The following CSMD1 variants were observed in gnomAD, a reference collection of about 807,000 sequenced individuals.
The protein encoded by CSMD1 is CUB and sushi domain-containing protein 1.
In CSMD1, 213 loss-of-function variants were observed where a neutral mutation model predicts 417.5. The ratio of observed to expected loss-of-function variants is 0.51; its 90% CI spans 0.46 to 0.57. The LOEUF is 0.57. Among genes scored for constraint, CSMD1 ranks in the 20% least tolerant of loss-of-function variants. The pLI is 0.00. For missense variants in CSMD1, 6,923 were observed against 4,529.7 expected, an observed-to-expected ratio of 1.53 and a Z score of -15.17; for synonymous variants, 2,862 against 1,736.8, an observed-to-expected ratio of 1.65 and a Z score of -16.11.
chr8:4,582,771 T>C (rs1310022509), intron 2 of CSMD1, among the ~76,000 whole-genome samples: 1 of 152,188 alleles, frequency 6.6e-6, no homozygotes, highest in Non-Finnish European at 1.5e-5. Context: ...GTGGGAGCCC[T>C]TTTCTGAGTT....
At chr8:4,429,224 G>C (rs778742722) in intron 2 of CSMD1, among the ~76,000 whole-genome samples, 2 of 151,622 alleles carry the variant, frequency 1.3e-5, no homozygotes, top group Admixed American at 6.6e-5. Context: ...ACGAATATCT[G>C]GTTATGTTTT....
At chr8:4,154,532 C>T (rs1387857687) in intron 3 of CSMD1, among the ~76,000 whole-genome samples, 1 of 152,108 alleles carries the variant, frequency 6.6e-6, no homozygotes, top group Non-Finnish European at 1.5e-5. Context: ...GGAGAAAGAG[C>T]AGAAGCCAGG....
At chr8:4,716,936 A>G (rs904137409) in intron 1 of CSMD1, among the ~76,000 whole-genome samples, 1 of 152,194 alleles carries the variant, frequency 6.6e-6, no homozygotes, top group African/African-American at 2.4e-5. Flanking sequence ...GAGATCCAAT[A>G]GGTTAAAAAA....
In CSMD1 at chr8:4,142,883, T is replaced by C. The variant is rs951610426; in HGVS notation, c.416-110784A>G. Among the ~76,000 whole-genome samples the C allele has an allele frequency of 2.4e-4, 37 of 151,148 alleles. 2 individuals carry two copies. The highest frequency in any genetic ancestry group is 8.9e-4 in the African/African-American group (36 of 40,460). On this transcript the variant is annotated intron_variant, in intron 3 of 69. Transcript: ENST00000635120. ...TATCATCATTTGATAATATGATTAGTAGCTGACAACACAATAGGAGAAATT... is the reference window on the plus strand; with the variant it reads ...TATCATCATTTGATAATATGATTAGCAGCTGACAACACAATAGGAGAAATT...
At chr8:3,178,318 G>A (rs1011578142) in intron 37 of CSMD1, among the ~76,000 whole-genome samples, 1 of 152,006 alleles carries the variant, frequency 6.6e-6, no homozygotes, top group Non-Finnish European at 1.5e-5. Flanking sequence ...TGAGATAGAA[G>A]TAGATGTAGA....
intron 3 of CSMD1, among the ~76,000 whole-genome samples, chr8:4,323,836 T>C (rs1799406326): frequency 6.6e-6 from 1 of 152,138 alleles, no homozygotes; most frequent in African/African-American, 2.4e-5. Context: ...CTCCTCCAGG[T>C]GCCTTGTACT....
At chr8:3,025,379 T>C (rs148183736) in intron 51 of CSMD1, among the ~76,000 whole-genome samples, 12,323 of 148,826 alleles carry the variant, frequency 0.083, 516 homozygotes, top group African/African-American at 0.13. Context: ...ATTCTGAAAC[T>C]GTGTATTGTG....
chr8:4,332,338 A>G (rs532239930), intron 3 of CSMD1, among the ~76,000 whole-genome samples: 74 of 152,178 alleles, frequency 4.9e-4, no homozygotes, highest in African/African-American at 1.8e-3. Flanking sequence ...GATCACCAAA[A>G]CGCTGAAAAA....
chr8:3,332,475 G>C (rs1806968576), intron 23 of CSMD1, among the ~76,000 whole-genome samples: 1 of 152,218 alleles, frequency 6.6e-6, no homozygotes, highest in Non-Finnish European at 1.5e-5. Context: ...GATGCTTAGG[G>C]AAGATCGAGG....
At chr8:4,230,131 G>T (rs191952655) in intron 3 of CSMD1, among the ~76,000 whole-genome samples, 11 of 152,128 alleles carry the variant, frequency 7.2e-5, no homozygotes, top group African/African-American at 2.4e-4. Context: ...AATCATCTCA[G>T]AATGTGATGA....
chr8:3,940,204 A>T (rs1397528810), intron 5 of CSMD1, among the ~76,000 whole-genome samples: 1 of 151,756 alleles, frequency 6.6e-6, no homozygotes, highest in East Asian at 1.9e-4. Context: ...ATTTTTGAAA[A>T]AGTTCTACCA....
At chr8:3,230,761 C>A (rs1015123883) in intron 26 of CSMD1, among the ~76,000 whole-genome samples, 17 of 152,108 alleles carry the variant, frequency 1.1e-4, no homozygotes, top group Non-Finnish European at 1.2e-4. Flanking sequence ...ATTGCCACGG[C>A]AAAATTATTA....
At chr8:3,919,423 GT>G (rs971438950) in intron 5 of CSMD1, among the ~76,000 whole-genome samples, 7 of 151,922 alleles carry the variant, frequency 4.6e-5, no homozygotes, top group African/African-American at 1.7e-4. Context: ...TTTTTGGCAT[GT>G]TTTTTGGTTA....
chr8:3,606,044 G>C (rs980133479), intron 8 of CSMD1, among the ~76,000 whole-genome samples: 1 of 152,146 alleles, frequency 6.6e-6, no homozygotes, highest in Non-Finnish European at 1.5e-5. Context: ...TCACATGATT[G>C]TAATGAGATG....
chr8:3,838,626 A>G (rs897682200), intron 5 of CSMD1, among the ~76,000 whole-genome samples: 1 of 132,948 alleles, frequency 7.5e-6, no homozygotes, highest in Non-Finnish European at 1.5e-5. Context: ...TAAATAAATT[A>G]ATATATAATA....
In CSMD1 at chr8:4,691,747, T is replaced by C. The variant is rs536662465; in HGVS notation, c.86-54189A>G. On this transcript the variant is annotated intron_variant, in intron 1 of 69. Coordinates refer to ENST00000635120, the MANE Select transcript of CSMD1 (RefSeq NM_033225.6). Reference sequence around the variant, plus strand: ...CCAGGTACACTACATTGGGAATCTGTAGCTATCTAGCCCAGCAGTGGAATG... The same window carrying C: ...CCAGGTACACTACATTGGGAATCTGCAGCTATCTAGCCCAGCAGTGGAATG... Among the ~76,000 whole-genome samples the C allele has an allele frequency of 2.0e-5, 3 of 152,336 alleles. No individual in the cohort carries two copies. The South Asian group carries it at 6.2e-4, about 32-fold the overall frequency.
At chr8:2,939,046 C>T (rs193092642) in intron 69 of CSMD1, among the ~76,000 whole-genome samples, 58 of 152,324 alleles carry the variant, frequency 3.8e-4, no homozygotes, top group African/African-American at 1.3e-3. Context: ...CTCATTTCAG[C>T]CTTGACCTCT....
At chr8:4,062,189 G>A (rs549384376) in intron 3 of CSMD1, among the ~76,000 whole-genome samples, 5 of 152,128 alleles carry the variant, frequency 3.3e-5, no homozygotes, top group Non-Finnish European at 7.3e-5. Flanking sequence ...AGTGACGGGA[G>A]TGAGGAAAGG....
rs1010429892 is a variant in CSMD1 at position 3,192,027 on chromosome 8, C to A, written c.5195-1912G>T. 5.9e-5 allele frequency among the ~76,000 whole-genome samples: 9 copies of A among 152,108 alleles called. No homozygotes were observed. The East Asian group carries it at 1.5e-3, about 26-fold the overall frequency. On this transcript the variant is annotated intron_variant, in intron 33 of 69. Coordinates refer to ENST00000635120, the MANE Select transcript of CSMD1 (RefSeq NM_033225.6). Reference sequence around the variant, plus strand: ...TTTATTTATTTTCTGTTGAATCAGACCAACGACAGACATTATTTGGGTAAC... The same window carrying A: ...TTTATTTATTTTCTGTTGAATCAGAACAACGACAGACATTATTTGGGTAAC...
Sources: gnomAD v4.1 joint callset for allele counts (sites outside exome capture counted in the v4.1 genomes callset) on GRCh38, gnomAD v4.1.1 for gene constraint, MANE v1.5 for transcripts, NCBI Gene and HGNC (gene_info 2026-07-23, HGNC 2026-07-21) for gene names.